Variants in TAF2 observed in about 807,000 individuals in gnomAD.
TAF2 encodes the protein TATA-box binding protein associated factor 2, also known as transcription initiation factor TFIID subunit 2.
A neutral mutation model predicts 138.5 loss-of-function variants in TAF2; 61 were observed. The observed-to-expected ratio is 0.44, with a 90% CI of 0.36 to 0.54. TAF2 has a LOEUF of 0.54. TAF2 is among the 20% of genes least tolerant of loss of function. The probability of loss-of-function intolerance (pLI) is 0.00; values close to 1 mark genes in which losing one functional copy is unlikely to be tolerated. For missense variants in TAF2, 1,090 were observed against 1,427.9 expected (o/e 0.76, Z 3.81); for synonymous variants, 475 against 469.9 (o/e 1.01, Z -0.14).
intron 25 of TAF2, among the ~76,000 whole-genome samples, chr8:119,734,085 C>T (rs1336848946): frequency 1.3e-5 from 2 of 152,118 alleles, no homozygotes; most frequent in Non-Finnish European, 2.9e-5. Context: ...ATGCACAAGA[C>T]ACCCCTATAC....
Position 119,789,598 on chromosome 8 carries a change from T to C in TAF2, c.1562A>G (p.Gln521Arg). 6.2e-7 allele frequency: 1 copy of C among 1,613,562 alleles called. No homozygotes were observed. The highest frequency in any genetic ancestry group is 8.5e-7 in the Non-Finnish European group (1 of 1,179,872). ...SGKDIQPLIK[Q>R]WVDQSGVVKF... ...CTGCTATTGAAAAGGATACACCCACTGCTTTATTAACGGCTGAATATCTTT... is the reference window on the plus strand; with the variant it reads ...CTGCTATTGAAAAGGATACACCCACCGCTTTATTAACGGCTGAATATCTTT... The change falls in exon 12 of 26, where the codon CAG becomes CGG. Residue 521 changes from glutamine (Q) to arginine (R), a missense_variant. Physicochemically the swap from Gln to Arg is conservative, Grantham distance 43. Transcript: ENST00000378164.
chr8:119,819,934 G>C (rs980366737), intron 2 of TAF2, among the ~76,000 whole-genome samples: 1 of 152,132 alleles, frequency 6.6e-6, no homozygotes, highest in Non-Finnish European at 1.5e-5. Flanking sequence ...AAGCTAACAA[G>C]TATGAGTTTC....
chr8:119,800,518 C>G (rs1172231447), intron 6 of TAF2, among the ~76,000 whole-genome samples: 1 of 152,128 alleles, frequency 6.6e-6, no homozygotes, highest in African/African-American at 2.4e-5. Flanking sequence ...TGTTTTGGTA[C>G]CAGTACCATG....
Position 119,731,679 on chromosome 8 carries a change from G to A in TAF2, c.*245C>T, listed in dbSNP as rs1018772996. 1.3e-5 allele frequency: 7 copies of A among 529,324 alleles called. No individual in the cohort carries two copies. Among genetic ancestry groups the A allele is most frequent in the African/African-American group, 1.9e-5 (1 of 52,452 alleles). The allele number at this position is 529,324 out of a possible 1,614,324, so 32.8% of individuals were successfully genotyped here. A position where few individuals can be genotyped will look rare whatever the true frequency, so the allele number is the denominator to read the frequency against. On this transcript the variant is annotated 3_prime_UTR_variant, in exon 26 of 26. Transcript: ENST00000378164. ...TTTTATGAAAGGGAGTTTGCTCTGTGTGTGTGTTTTGGGGAGGAAACAGCG... is the reference window on the plus strand; with the variant it reads ...TTTTATGAAAGGGAGTTTGCTCTGTATGTGTGTTTTGGGGAGGAAACAGCG...
intron 25 of TAF2, among the ~76,000 whole-genome samples, chr8:119,738,431 T>C (rs556282379): frequency 5.3e-5 from 8 of 152,308 alleles, no homozygotes; most frequent in African/African-American, 1.9e-4. Flanking sequence ...AAATTGTCCA[T>C]TCACAGGCAC....
chr8:119,749,156 G>C (rs551845011), intron 22 of TAF2, among the ~76,000 whole-genome samples: 172 of 152,268 alleles, frequency 1.1e-3, no homozygotes, highest in South Asian at 3.5e-3. Flanking sequence ...ATGAGCTAGG[G>C]CTTTTATTTT....
intron 25 of TAF2, among the ~76,000 whole-genome samples, chr8:119,735,016 T>A (rs571516277): frequency 2.5e-4 from 38 of 152,182 alleles, no homozygotes; most frequent in Non-Finnish European, 3.8e-4. Flanking sequence ...TTCCACAGCA[T>A]AATACAGATA....
chr8:119,792,025 G>A (rs939448035), intron 10 of TAF2, among the ~76,000 whole-genome samples: 2 of 151,834 alleles, frequency 1.3e-5, no homozygotes, highest in Non-Finnish European at 2.9e-5. Context: ...AAATATTTAC[G>A]ACATACATGA....
chr8:119,795,039 G>GT (rs1197298774), intron 9 of TAF2, among the ~76,000 whole-genome samples: 4 of 139,562 alleles, frequency 2.9e-5, no homozygotes, highest in African/African-American at 1.1e-4. Flanking sequence ...TCTTTAAATC[G>GT]TTAAAAAAAA....
Position 119,738,277 on chromosome 8 carries a change from G to A in TAF2, c.3337+4257C>T, listed in dbSNP as rs1486708117. ...CATAATTTCCTTATAATCAGATTTG[G>A]GACACACAAGTTTACTTTCATAGGA... On this transcript the variant is annotated intron_variant, in intron 25 of 25. Coordinates refer to ENST00000378164, the MANE Select transcript of TAF2 (RefSeq NM_003184.4). 3.3e-5 allele frequency among the ~76,000 whole-genome samples: 5 copies of A among 151,852 alleles called. No individual in the cohort carries two copies. The East Asian group carries it at 5.8e-4, about 18-fold the overall frequency.
chr8:119,760,034 C>G (rs1391392316), intron 20 of TAF2, among the ~76,000 whole-genome samples: 2 of 152,018 alleles, frequency 1.3e-5, no homozygotes. Flanking sequence ...TTTACGCCCC[C>G]CCAGAGTATT....
intron 25 of TAF2, among the ~76,000 whole-genome samples, chr8:119,739,614 T>A (rs1349176436): frequency 2.0e-5 from 3 of 151,776 alleles, no homozygotes; most frequent in African/African-American, 7.3e-5. Flanking sequence ...CTGTAACACA[T>A]TCCAGTTCTC....
At chr8:119,825,590 T>G (rs1192768523) in intron 2 of TAF2, among the ~76,000 whole-genome samples, 1 of 152,184 alleles carries the variant, frequency 6.6e-6, no homozygotes, top group Non-Finnish European at 1.5e-5. Context: ...CCATGCGTTG[T>G]GGGAGGGACC....
intron 14 of TAF2, among the ~76,000 whole-genome samples, chr8:119,785,842 C>G (rs1034985035): frequency 2.0e-5 from 3 of 152,020 alleles, no homozygotes; most frequent in Non-Finnish European, 2.9e-5. Flanking sequence ...GTTCCTCATA[C>G]CAAAGAATAC....
At chr8:119,807,916 T>G (rs1363573546) in intron 3 of TAF2, among the ~76,000 whole-genome samples, 1 of 152,170 alleles carries the variant, frequency 6.6e-6, no homozygotes, top group East Asian at 1.9e-4. Flanking sequence ...AGTGAGACTT[T>G]TTCTCAAAAA....
At chr8:119,826,924 G>C (rs185752404) in intron 2 of TAF2, among the ~76,000 whole-genome samples, 2 of 152,218 alleles carry the variant, frequency 1.3e-5, no homozygotes, top group Admixed American at 6.5e-5. Flanking sequence ...CAGGTGTGGT[G>C]GCTCACACCT....
intron 20 of TAF2, 106 bp from the exon 21 acceptor site, chr8:119,758,248 G>T: frequency 1.0e-6 from 1 of 1,000,190 alleles, no homozygotes. Context: ...CTCTGCCTTA[G>T]CTGAGTTTTC....
chr8:119,804,204 C>T (rs148634086), intron 4 of TAF2, among the ~76,000 whole-genome samples, 185 bp from the exon 5 acceptor site: 1 of 152,292 alleles, frequency 6.6e-6, no homozygotes, highest in East Asian at 1.9e-4. Context: ...CAGGCTGCCC[C>T]TATTGGTTTT....
chr8:119,766,909 GTATA>G (rs1231490948), intron 18 of TAF2: 5 of 152,154 alleles, frequency 3.3e-5, no homozygotes, highest in Non-Finnish European at 7.4e-5. Context: ...TTCTGGAAAA[GTATA>G]TAAATAGGGT....
Sources: gnomAD v4.1 joint callset for allele counts (sites outside exome capture counted in the v4.1 genomes callset) on GRCh38, gnomAD v4.1.1 for gene constraint, MANE v1.5 for transcripts, NCBI Gene and HGNC (gene_info 2026-07-23, HGNC 2026-07-21) for gene names.